OR3A3: variants seen among roughly 807,000 people sequenced by gnomAD.
OR3A3 encodes olfactory receptor family 3 subfamily A member 3.
For synonymous variants in OR3A3, 103 were observed against 163.9 expected, an observed-to-expected ratio of 0.63 and a Z score of 2.84; for missense variants, 275 against 391.4, an observed-to-expected ratio of 0.70 and a Z score of 2.51.
chr17:3,413,674 G>T (rs1842946), intron 2 of OR3A3, among the ~76,000 whole-genome samples: 1,588 of 152,002 alleles, frequency 0.01, 9 homozygotes, highest in Admixed American at 0.017. Flanking sequence ...TTAGCCGGGC[G>T]TGGTGGCAGG....
At chr17:3,420,687 C>T in exon 3 of OR3A3, 2 of 1,538,700 alleles carry the variant, frequency 1.3e-6, no homozygotes, top group African/African-American at 1.4e-5. Context: ...TTGTGCTCCT[C>T]CTCTTTGCCT....
intron 2 of OR3A3, 50 bp from the exon 3 acceptor site, chr17:3,420,530 A>G: frequency 6.3e-7 from 1 of 1,580,436 alleles, no homozygotes; most frequent in South Asian, 1.2e-5. Flanking sequence ...TAAAATGTTA[A>G]TGTGAACTGA....
intron 2 of OR3A3, 26 bp from the exon 3 acceptor site, chr17:3,420,554 T>TC: frequency 6.4e-7 from 1 of 1,565,658 alleles, no homozygotes; most frequent in Admixed American, 1.9e-5. Flanking sequence ...AACTGATACC[T>TC]CCCCTGCTGG....
intron 2 of OR3A3, among the ~76,000 whole-genome samples, chr17:3,413,210 G>A (rs2072371445): frequency 6.6e-6 from 1 of 152,138 alleles, no homozygotes; most frequent in Non-Finnish European, 1.5e-5. Flanking sequence ...GCAGGAGGGA[G>A]GCAAAGACAG....
intron 2 of OR3A3, among the ~76,000 whole-genome samples, chr17:3,416,982 T>A (rs991290492): frequency 2.0e-5 from 3 of 152,100 alleles, no homozygotes; most frequent in African/African-American, 7.2e-5. Context: ...CTCCTTCCCC[T>A]CACCCTTCCC....
chr17:3,418,225 A>AT (rs912246665), intron 2 of OR3A3, among the ~76,000 whole-genome samples: 43 of 151,612 alleles, frequency 2.8e-4, no homozygotes, highest in African/African-American at 9.7e-4. Flanking sequence ...TACCCTCCCC[A>AT]TTTTTTTCTT....
exon 3 of OR3A3, chr17:3,421,518 G>A: frequency 6.5e-7 from 1 of 1,527,516 alleles, no homozygotes; most frequent in Non-Finnish European, 8.8e-7. Context: ...TTGTGGGGAA[G>A]CGATCACTGA....
intron 2 of OR3A3, among the ~76,000 whole-genome samples, chr17:3,418,227 T>A (rs2072403847): frequency 1.3e-5 from 2 of 152,196 alleles, no homozygotes. Flanking sequence ...CCCTCCCCAT[T>A]TTTTTCTTGA....
At chr17:3,422,556 CTAACTT>C (rs374467300) in exon 3 of OR3A3, 113 of 152,350 alleles carry the variant, frequency 7.4e-4, no homozygotes, top group African/African-American at 2.6e-3. Context: ...ACACCTCCTT[CTAACTT>C]TAACTTTATT....
intron 2 of OR3A3, among the ~76,000 whole-genome samples, chr17:3,419,970 T>G (rs1252806829): frequency 6.6e-6 from 1 of 152,080 alleles, no homozygotes; most frequent in Non-Finnish European, 1.5e-5. Context: ...GGTTTCGCTG[T>G]GTTAGCCAGG....
exon 3 of OR3A3, chr17:3,422,972 G>A (rs2072445795): frequency 6.6e-6 from 1 of 152,234 alleles, no homozygotes; most frequent in African/African-American, 2.4e-5. Flanking sequence ...AGAATGGGAA[G>A]AGAGAAGTAT....
In OR3A3 at chr17:3,420,958, C is replaced by T. The variant is rs375267220; in HGVS notation, c.373C>T (p.Arg125Ter). 16 of 1,612,252 alleles carry T rather than the reference C, an allele frequency of 9.9e-6. No homozygotes were observed. Among genetic ancestry groups the T allele is most frequent in the African/African-American group, 6.7e-5 (5 of 74,362 alleles). Residue 125 changes from arginine (R) to a stop codon, truncating the protein, a stop_gained, in exon 3 of 3, where the codon CGA (arginine) becomes TGA (stop). Transcript: ENST00000641141. LOFTEE classifies it low-confidence loss of function (END_TRUNC). ...CCTGCTGACCGCCATGGCCTATGAC[C>T]GACTCCTGGCCATCTGCCAGCCCCT...
At chr17:3,419,176 A>T (rs982246756) in intron 2 of OR3A3, among the ~76,000 whole-genome samples, 1 of 152,246 alleles carries the variant, frequency 6.6e-6, no homozygotes, top group African/African-American at 2.4e-5. Context: ...AGGAGTGTTG[A>T]ATTGACACTT....
At chr17:3,414,396 T>A (rs752265321) in intron 2 of OR3A3, among the ~76,000 whole-genome samples, 2 of 152,126 alleles carry the variant, frequency 1.3e-5, no homozygotes, top group Non-Finnish European at 2.9e-5. Flanking sequence ...CTCCACATAT[T>A]TCTACTGTGC....
At chr17:3,415,907 T>C (rs59822688) in intron 2 of OR3A3, among the ~76,000 whole-genome samples, 64,448 of 149,780 alleles carry the variant, frequency 0.43, 15,187 homozygotes, top group Non-Finnish European at 0.55. Flanking sequence ...CTCCTAGGTT[T>C]AAGCAATTCT....
chr17:3,414,865 G>A (rs2072381392), intron 2 of OR3A3, among the ~76,000 whole-genome samples: 1 of 151,340 alleles, frequency 6.6e-6, no homozygotes, highest in African/African-American at 2.4e-5. Flanking sequence ...TGAGAGGGTG[G>A]GAATAATTCG....
chr17:3,419,829 G>A (rs1044713162), intron 2 of OR3A3, among the ~76,000 whole-genome samples: 5 of 149,250 alleles, frequency 3.4e-5, no homozygotes, highest in Admixed American at 2.0e-4. Context: ...CACCTCCTGG[G>A]TTCACACCAT....
In OR3A3 at chr17:3,421,060, G is replaced by A. The variant is rs573416184; in HGVS notation, c.475G>A (p.Ala159Thr). Residue 159 changes from alanine to threonine, a missense_variant, in exon 3 of 3, where the codon GCA becomes ACA. Coordinates refer to ENST00000641141, the Ensembl canonical transcript of OR3A3. ...GTCCTGGGCTTGTGCCTTCACCAACGCACTGACCCACACTGTGGCCATGTC... is the reference window on the plus strand; with the variant it reads ...GTCCTGGGCTTGTGCCTTCACCAACACACTGACCCACACTGTGGCCATGTC... The A allele has an allele frequency of 4.0e-5, 64 of 1,614,118 alleles. No individual in the cohort carries two copies. In the East Asian group the frequency reaches 1.1e-3, roughly 27 times the overall value.
intron 2 of OR3A3, among the ~76,000 whole-genome samples, chr17:3,417,139 C>T (rs2072397215): frequency 6.6e-6 from 1 of 152,048 alleles, no homozygotes; most frequent in Non-Finnish European, 1.5e-5. Context: ...TAAGGTTTGT[C>T]AATTTCATTT....
Sources: allele counts gnomAD v4.1 joint callset (sites outside exome capture counted in the v4.1 genomes callset), GRCh38; gene constraint gnomAD v4.1.1; transcripts MANE v1.5; gene names NCBI Gene and HGNC (gene_info 2026-07-23, HGNC 2026-07-21).